The following RORA variants were observed in gnomAD, a reference collection of about 807,000 sequenced individuals.
RORA encodes nuclear receptor ROR-alpha.
Under a neutral mutation model 69.5 loss-of-function variants are expected in RORA, and 7 were observed. The ratio of observed to expected loss-of-function variants is 0.10; its 90% confidence interval spans 0.06 to 0.19. The LOEUF is 0.19. Ranked by LOEUF, RORA falls within the 10% of genes least tolerant of loss-of-function variation. The probability of loss-of-function intolerance (pLI) is 1.00; values close to 1 mark genes in which losing one functional copy is unlikely to be tolerated. For synonymous variants in RORA, 261 were observed against 240.8 expected (o/e 1.08, Z -0.78); for missense variants, 457 against 663.0 (o/e 0.69, Z 3.41).
At chr15:60,807,544 C>T (rs1183965697) in intron 1 of RORA, among the ~76,000 whole-genome samples, 3 of 152,048 alleles carry the variant, frequency 2.0e-5, no homozygotes, top group Non-Finnish European at 2.9e-5. Context: ...CAAAATATCA[C>T]CATCATTCTT....
In RORA at chr15:61,223,571, G is replaced by C. The variant is rs181438188; in HGVS notation, c.166+5482C>G. On this transcript the variant is annotated intron_variant, in intron 1 of 10. Coordinates refer to ENST00000335670, the MANE Select transcript of RORA (RefSeq NM_134261.3). ...CCAAGTGGGGATCAAGATAGATTTA[G>C]TCCAATCTCTGACACTGTGTCCATT... is the stretch of plus-strand genomic sequence containing the variant. Among the ~76,000 whole-genome samples, 3 of 152,296 alleles carry C rather than the reference G, an allele frequency of 2.0e-5. No homozygotes were observed. The East Asian group carries it at 5.8e-4, about 29-fold the overall frequency.
intron 1 of RORA, among the ~76,000 whole-genome samples, chr15:61,164,478 CCGT>C (rs2140886783): frequency 6.6e-6 from 1 of 152,248 alleles, no homozygotes; most frequent in East Asian, 1.9e-4. Flanking sequence ...GCAACCATTG[CCGT>C]ATACAGGTCC....
chr15:61,145,608 A>C (rs2079338838), intron 1 of RORA, among the ~76,000 whole-genome samples: 1 of 152,200 alleles, frequency 6.6e-6, no homozygotes, highest in African/African-American at 2.4e-5. Flanking sequence ...TCTAGCTCAG[A>C]AAGCTACAAT....
intron 1 of RORA, among the ~76,000 whole-genome samples, chr15:61,062,724 G>A (rs1016603311): frequency 2.6e-5 from 4 of 152,070 alleles, no homozygotes; most frequent in African/African-American, 7.2e-5. Context: ...GAGTGATTAC[G>A]CTCCCTCCTC....
intron 1 of RORA, among the ~76,000 whole-genome samples, chr15:60,731,277 C>G (rs901853843): frequency 7.9e-5 from 12 of 152,302 alleles, no homozygotes; most frequent in African/African-American, 2.9e-4. Context: ...AATAAAAATT[C>G]ATTCCTTTGG....
At chr15:60,755,872 C>A (rs530744188) in intron 1 of RORA, among the ~76,000 whole-genome samples, 1 of 152,206 alleles carries the variant, frequency 6.6e-6, no homozygotes, top group Non-Finnish European at 1.5e-5. Context: ...CATACCTCTG[C>A]AGAAAACTCT....
intron 1 of RORA, among the ~76,000 whole-genome samples, chr15:60,833,647 A>G (rs1044106810): frequency 1.3e-5 from 2 of 152,144 alleles, no homozygotes; most frequent in South Asian, 4.1e-4. Flanking sequence ...GTTTTTTGTT[A>G]CCATGATTTC....
At chr15:61,201,013 G>A (rs2140926307) in intron 1 of RORA, among the ~76,000 whole-genome samples, 1 of 152,338 alleles carries the variant, frequency 6.6e-6, no homozygotes, top group East Asian at 1.9e-4. Flanking sequence ...CACAGCAACA[G>A]AGTGGCAAAT....
chr15:60,543,170 CTTTTTTTTTTTTTTTTT>C (rs200401959), intron 2 of RORA, among the ~76,000 whole-genome samples: 287 of 125,388 alleles, frequency 2.3e-3, no homozygotes, highest in Non-Finnish European at 3.2e-3. Flanking sequence ...AAAGTGAAAA[CTTTTTTTTTTTTTTTTT>C]TTTTTTTTTT....
chr15:60,864,611 G>A (rs1181089158), intron 1 of RORA, among the ~76,000 whole-genome samples: 2 of 152,074 alleles, frequency 1.3e-5, no homozygotes, highest in African/African-American at 4.8e-5. Flanking sequence ...GAAGAGAAAC[G>A]GAAATGAGTT....
chr15:60,937,355 A>G (rs967110446), intron 1 of RORA, among the ~76,000 whole-genome samples: 3 of 152,188 alleles, frequency 2.0e-5, no homozygotes, highest in African/African-American at 7.2e-5. Flanking sequence ...GGCTCATTTC[A>G]TAAGGCTTTT....
At chr15:60,621,055 G>T (rs756348372) in intron 2 of RORA, among the ~76,000 whole-genome samples, 1 of 152,210 alleles carries the variant, frequency 6.6e-6, no homozygotes, top group East Asian at 1.9e-4. Context: ...ATGCTTTGGC[G>T]TAGAGGGAGG....
intron 1 of RORA, among the ~76,000 whole-genome samples, chr15:60,834,929 CTT>C (rs572511740): frequency 9.2e-5 from 14 of 151,728 alleles, no homozygotes; most frequent in African/African-American, 3.4e-4. Context: ...AAAAAACTAT[CTT>C]TGTTTTCAGA....
chr15:61,206,776 G>A, intron 1 of RORA, among the ~76,000 whole-genome samples: 1 of 152,198 alleles, frequency 6.6e-6, no homozygotes, highest in Non-Finnish European at 1.5e-5. Context: ...CCAGTTGCCA[G>A]ATCTCAGGCT....
chr15:60,743,218 T>C (rs942330396), intron 1 of RORA, among the ~76,000 whole-genome samples: 1 of 152,020 alleles, frequency 6.6e-6, no homozygotes, highest in African/African-American at 2.4e-5. Context: ...TTTTGCCATG[T>C]TGACCAGGCT....
At chr15:60,514,038 T>C (rs527571490) in intron 4 of RORA, among the ~76,000 whole-genome samples, 1 of 152,372 alleles carries the variant, frequency 6.6e-6, no homozygotes, top group Admixed American at 6.5e-5. Flanking sequence ...TGTACTTGAA[T>C]GGTAGACGGT....
At chr15:60,602,052 G>C (rs774206031) in intron 2 of RORA, among the ~76,000 whole-genome samples, 2 of 152,132 alleles carry the variant, frequency 1.3e-5, no homozygotes, top group African/African-American at 4.8e-5. Flanking sequence ...AGCCCAACTC[G>C]CCCATTATTT....
At chr15:60,569,469 T>C (rs2067816182) in intron 2 of RORA, among the ~76,000 whole-genome samples, 1 of 152,050 alleles carries the variant, frequency 6.6e-6, no homozygotes, top group Admixed American at 6.6e-5. Flanking sequence ...TTTTACAAAA[T>C]TCAAGTCTTC....
chr15:60,799,412 T>A (rs998500649), intron 1 of RORA, among the ~76,000 whole-genome samples: 3 of 152,096 alleles, frequency 2.0e-5, no homozygotes, highest in Non-Finnish European at 2.9e-5. Context: ...GCCTGAAACA[T>A]TACAATATGG....
Sources: gnomAD v4.1 joint callset for allele counts (sites outside exome capture counted in the v4.1 genomes callset) on GRCh38, gnomAD v4.1.1 for gene constraint, MANE v1.5 for transcripts, NCBI Gene and HGNC (gene_info 2026-07-23, HGNC 2026-07-21) for gene names.